Variants in GPC5 observed in about 807,000 individuals in gnomAD.
GPC5 encodes the protein glypican-5.
In GPC5, 47 loss-of-function variants were observed where a neutral mutation model predicts 53.9. The observed-to-expected ratio is 0.87, with a 90% CI of 0.69 to 1.11. GPC5 has a LOEUF of 1.11. GPC5 is among the 50% of genes most tolerant of loss of function. The pLI, the probability that GPC5 is intolerant of heterozygous loss-of-function variation, is 0.00. For synonymous variants in GPC5, 286 were observed against 263.3 expected (o/e 1.09, Z -0.84); for missense variants, 748 against 713.1 (o/e 1.05, Z -0.56).
At chr13:92,850,728 C>T (rs879271620) in intron 7 of GPC5, among the ~76,000 whole-genome samples, 5 of 152,156 alleles carry the variant, frequency 3.3e-5, no homozygotes, top group Non-Finnish European at 7.3e-5. Flanking sequence ...TTCCTCCACT[C>T]CAAACCAACA....
chr13:91,785,092 G>A (rs1402163632), intron 5 of GPC5, among the ~76,000 whole-genome samples: 1 of 152,088 alleles, frequency 6.6e-6, no homozygotes, highest in Non-Finnish European at 1.5e-5. Context: ...CTTTCTCACC[G>A]GTCATCCTGC....
intron 2 of GPC5, among the ~76,000 whole-genome samples, chr13:91,559,350 T>G (rs2031131876): frequency 6.6e-6 from 1 of 152,130 alleles, no homozygotes; most frequent in Non-Finnish European, 1.5e-5. Flanking sequence ...GAGTGCTTAC[T>G]GAATGAAAAC....
At chr13:92,479,538 GTTTTAC>G (rs1879273921) in intron 7 of GPC5, among the ~76,000 whole-genome samples, 1 of 152,158 alleles carries the variant, frequency 6.6e-6, no homozygotes, top group African/African-American at 2.4e-5. Context: ...GGCTCTAGAA[GTTTTAC>G]TTTTAAGAGT....
At chr13:92,336,753 T>C (rs2043326500) in intron 7 of GPC5, among the ~76,000 whole-genome samples, 1 of 152,178 alleles carries the variant, frequency 6.6e-6, no homozygotes, top group African/African-American at 2.4e-5. Flanking sequence ...GTTCATAATA[T>C]AAGCCAAAAA....
At chr13:92,049,901 G>T (rs926474257) in intron 6 of GPC5, among the ~76,000 whole-genome samples, 3 of 152,016 alleles carry the variant, frequency 2.0e-5, no homozygotes, top group Admixed American at 6.6e-5. Flanking sequence ...AAATTTAAAA[G>T]AAAATTCAAA....
At chr13:91,982,488 A>C (rs2040368386) in intron 6 of GPC5, among the ~76,000 whole-genome samples, 1 of 152,176 alleles carries the variant, frequency 6.6e-6, no homozygotes, top group African/African-American at 2.4e-5. Flanking sequence ...TGAGTGAAAA[A>C]AAAAAGCAAA....
At chr13:91,822,147 G>A (rs1158792958) in intron 5 of GPC5, among the ~76,000 whole-genome samples, 3 of 152,192 alleles carry the variant, frequency 2.0e-5, no homozygotes, top group Non-Finnish European at 2.9e-5. Context: ...GAGCAAGCAT[G>A]TAGTATACAG....
chr13:91,521,792 G>T (rs1035678707), intron 2 of GPC5, among the ~76,000 whole-genome samples: 2 of 152,054 alleles, frequency 1.3e-5, no homozygotes, highest in African/African-American at 4.8e-5. Context: ...AAAAGGTGAG[G>T]GCTCAGTCCC....
At chr13:92,585,719 G>T (rs186126408) in intron 7 of GPC5, among the ~76,000 whole-genome samples, 1 of 152,150 alleles carries the variant, frequency 6.6e-6, no homozygotes, top group Non-Finnish European at 1.5e-5. Flanking sequence ...GAATTCCCAC[G>T]TGTTGTGAGA....
chr13:92,496,596 C>T (rs1879988623), intron 7 of GPC5, among the ~76,000 whole-genome samples: 1 of 152,150 alleles, frequency 6.6e-6, no homozygotes, highest in Non-Finnish European at 1.5e-5. Flanking sequence ...TTAGTAGCAA[C>T]TTTGTGTTAC....
intron 2 of GPC5, among the ~76,000 whole-genome samples, chr13:91,682,973 G>A (rs2035541379): frequency 6.6e-6 from 1 of 151,774 alleles, no homozygotes; most frequent in South Asian, 2.1e-4. Context: ...GTAGTAGGCT[G>A]AATATTGGGC....
intron 2 of GPC5, among the ~76,000 whole-genome samples, chr13:91,548,352 C>G (rs1039006552): frequency 6.6e-6 from 1 of 152,030 alleles, no homozygotes; most frequent in Non-Finnish European, 1.5e-5. Context: ...ATGAAAAGCA[C>G]AATACCATTT....
chr13:92,654,778 G>T (rs958067473), intron 7 of GPC5, among the ~76,000 whole-genome samples: 5 of 150,776 alleles, frequency 3.3e-5, no homozygotes, highest in South Asian at 2.1e-4. Flanking sequence ...AGAAGTAAAT[G>T]TATCCCCCCA....
At chr13:91,849,923 G>A (rs1435027480) in intron 5 of GPC5, among the ~76,000 whole-genome samples, 2 of 152,152 alleles carry the variant, frequency 1.3e-5, no homozygotes, top group African/African-American at 2.4e-5. Context: ...GATGAGAAAA[G>A]TGAGGGACAA....
At chr13:92,188,188 T>C (rs1021023938) in intron 7 of GPC5, among the ~76,000 whole-genome samples, 1 of 152,198 alleles carries the variant, frequency 6.6e-6, no homozygotes, top group African/African-American at 2.4e-5. Context: ...AACACCTGAT[T>C]TTTAAAAAAA....
intron 5 of GPC5, among the ~76,000 whole-genome samples, chr13:91,768,256 T>C (rs9515967): frequency 0.33 from 49,468 of 152,032 alleles, 9,717 homozygotes; most frequent in East Asian, 0.65. Context: ...GCTCATCAGA[T>C]AGCACATTTT....
At chr13:92,249,086 T>C (rs2042673799) in intron 7 of GPC5, among the ~76,000 whole-genome samples, 1 of 152,136 alleles carries the variant, frequency 6.6e-6, no homozygotes, top group Non-Finnish European at 1.5e-5. Context: ...ATGAGATATT[T>C]TGATACAGGC....
chr13:92,198,819 A>C (rs1222187402), intron 7 of GPC5, among the ~76,000 whole-genome samples: 1 of 152,326 alleles, frequency 6.6e-6, no homozygotes, highest in Admixed American at 6.5e-5. Flanking sequence ...TCTCTATCTC[A>C]GAAACCGAGA....
intron 7 of GPC5, among the ~76,000 whole-genome samples, chr13:92,749,434 C>T (rs530407776): frequency 2.1e-4 from 32 of 151,488 alleles, no homozygotes; most frequent in Admixed American, 5.9e-4. Flanking sequence ...ATAGTTCATC[C>T]GGAAAAAAAA....
Sources: gnomAD v4.1 joint callset for allele counts (sites outside exome capture counted in the v4.1 genomes callset) on GRCh38, gnomAD v4.1.1 for gene constraint, MANE v1.5 for transcripts, NCBI Gene and HGNC (gene_info 2026-07-23, HGNC 2026-07-21) for gene names.